GRIN2A: variants seen among roughly 807,000 people sequenced by gnomAD.
The protein encoded by GRIN2A is glutamate ionotropic receptor NMDA type subunit 2A.
GRIN2A carries 22 observed loss-of-function variants against 113.4 expected under a neutral mutation model. That is an observed-to-expected ratio of 0.19 (90% CI 0.14 to 0.28). The LOEUF (loss-of-function observed/expected upper bound fraction) is 0.28, where lower values mean the gene tolerates loss of function less well. Ranked by LOEUF, GRIN2A falls within the 10% of genes least tolerant of loss-of-function variation. GRIN2A has a pLI of 1.00. For synonymous variants in GRIN2A, 827 were observed against 738.4 expected (o/e 1.12, Z -1.94); for missense variants, 1,502 against 1,887.0 (o/e 0.80, Z 3.78).
At chr16:9,977,915 C>T (rs540388455) in intron 2 of GRIN2A, among the ~76,000 whole-genome samples, 6 of 152,206 alleles carry the variant, frequency 3.9e-5, no homozygotes. Flanking sequence ...ATTAGGTCAA[C>T]CCTGCAGCTT....
chr16:9,754,618 A>G lies in GRIN2A; in HGVS notation c.*8531T>C, dbSNP rs1220602315. ...GTGGTCATGGCCCCAGAGCTTTTCTACAAACTTAATAAACTAAAGATTTAA... is the reference window on the plus strand; with the variant it reads ...GTGGTCATGGCCCCAGAGCTTTTCTGCAAACTTAATAAACTAAAGATTTAA... On this transcript the variant is annotated 3_prime_UTR_variant, in exon 13 of 13. Coordinates refer to ENST00000330684, the MANE Select transcript of GRIN2A (RefSeq NM_001134407.3). 1 of 214,220 alleles carries G rather than the reference A, an allele frequency of 4.7e-6. No individual in the cohort carries two copies. The highest frequency in any genetic ancestry group is 9.4e-6 in the Non-Finnish European group (1 of 106,256). 13.3% of individuals were successfully genotyped at this position (214,220 alleles called of 1,614,324 possible).
At position 9,771,176 on chromosome 16, in the gene GRIN2A, C is replaced by A. The variant is rs555691800; in HGVS notation, c.2357-2087G>T. On this transcript the variant is annotated intron_variant, in intron 11 of 12. Coordinates refer to ENST00000330684, the MANE Select transcript of GRIN2A (RefSeq NM_001134407.3). ...GCTCATTATTTCAATTTGCAATTCC[C>A]TAATGGTATATAATAGTCCCATCTT... is the stretch of plus-strand genomic sequence containing the variant. Among the ~76,000 whole-genome samples the A allele has an allele frequency of 2.6e-5, 4 of 151,012 alleles. No individual in the cohort carries two copies. In the East Asian group the frequency reaches 5.8e-4, roughly 22 times the overall value.
intron 10 of GRIN2A, among the ~76,000 whole-genome samples, chr16:9,814,103 G>T (rs2042142049): frequency 6.6e-6 from 1 of 152,074 alleles, no homozygotes; most frequent in African/African-American, 2.4e-5. Context: ...AGTTTCTTTT[G>T]AGCATAGAAA....
At chr16:10,007,076 T>C (rs1323081015) in intron 2 of GRIN2A, among the ~76,000 whole-genome samples, 1 of 152,236 alleles carries the variant, frequency 6.6e-6, no homozygotes, top group East Asian at 1.9e-4. Context: ...CTATTATGAA[T>C]AGTGCTGTAA....
intron 2 of GRIN2A, among the ~76,000 whole-genome samples, chr16:10,125,831 G>A (rs908572408): frequency 6.6e-6 from 1 of 151,988 alleles, no homozygotes; most frequent in Non-Finnish European, 1.5e-5. Context: ...AGGCTGGGTG[G>A]GAGGATGCTT....
chr16:9,926,804 T>G (rs989668707), intron 3 of GRIN2A, among the ~76,000 whole-genome samples: 2 of 152,112 alleles, frequency 1.3e-5, no homozygotes, highest in East Asian at 3.9e-4. Context: ...GGTCAGGATA[T>G]GGGATTATTA....
chr16:10,059,228 A>C (rs1181079613), intron 2 of GRIN2A, among the ~76,000 whole-genome samples: 1 of 152,226 alleles, frequency 6.6e-6, no homozygotes, highest in Non-Finnish European at 1.5e-5. Flanking sequence ...CCTTAAGTGC[A>C]GTGGGTAGCC....
chr16:9,964,418 T>C (rs912910478), intron 2 of GRIN2A, among the ~76,000 whole-genome samples: 1 of 152,158 alleles, frequency 6.6e-6, no homozygotes, highest in Non-Finnish European at 1.5e-5. Context: ...CCATGGTGCG[T>C]TCATTTTCTA....
At chr16:10,143,261 TA>T (rs1321641160) in intron 2 of GRIN2A, among the ~76,000 whole-genome samples, 1 of 152,216 alleles carries the variant, frequency 6.6e-6, no homozygotes, top group Non-Finnish European at 1.5e-5. Flanking sequence ...CGCCTTCCGC[TA>T]AGGGCCTCCT....
rs573906011 is a variant in GRIN2A, at chr16:9,754,078, T to C, written c.*9071A>G. ...TCCTCTTTGAGAAGGCCATTATTTA[T>C]AATTTTTATGATCTAATTCTTATTC... is the stretch of plus-strand genomic sequence containing the variant. On this transcript the variant is annotated 3_prime_UTR_variant, in exon 13 of 13. Transcript: ENST00000330684. 2.7e-5 allele frequency: 5 copies of C among 184,218 alleles called. No individual in the cohort carries two copies. The highest frequency in any genetic ancestry group is 1.2e-4 in the African/African-American group (5 of 42,738). 11.4% of individuals were successfully genotyped at this position (184,218 alleles called of 1,614,324 possible). A position where few individuals can be genotyped will look rare whatever the true frequency, so the allele number is the denominator to read the frequency against.
intron 2 of GRIN2A, among the ~76,000 whole-genome samples, chr16:9,958,151 C>T (rs898056785): frequency 6.6e-6 from 1 of 152,004 alleles, no homozygotes; most frequent in Admixed American, 6.6e-5. Flanking sequence ...GCATAAGCGA[C>T]TGTGAGGATT....
intron 2 of GRIN2A, among the ~76,000 whole-genome samples, chr16:10,114,676 G>A (rs985138404): frequency 1.3e-5 from 2 of 152,174 alleles, no homozygotes; most frequent in Admixed American, 6.5e-5. Context: ...ACTGATTTCT[G>A]ACAGTATTTC....
chr16:10,102,457 T>C (rs559992037), intron 2 of GRIN2A, among the ~76,000 whole-genome samples: 15 of 152,326 alleles, frequency 9.8e-5, no homozygotes, highest in African/African-American at 3.6e-4. Flanking sequence ...GCTTCCTGTA[T>C]AGCCTGCAGA....
intron 2 of GRIN2A, among the ~76,000 whole-genome samples, chr16:10,038,847 C>CAAA (rs137915448): frequency 8.7e-4 from 111 of 126,888 alleles, no homozygotes; most frequent in African/African-American, 9.5e-4. Context: ...GACTCCTTCT[C>CAAA]AAAAAAAAAA....
At chr16:9,783,862 C>T (rs1418568957) in intron 11 of GRIN2A, among the ~76,000 whole-genome samples, 1 of 152,120 alleles carries the variant, frequency 6.6e-6, no homozygotes, top group African/African-American at 2.4e-5. Flanking sequence ...AGTAAACTAA[C>T]AAAGGAACAG....
At chr16:10,087,982 G>A (rs117034945) in intron 2 of GRIN2A, among the ~76,000 whole-genome samples, 2,935 of 150,606 alleles carry the variant, frequency 0.019, 37 homozygotes, top group Admixed American at 0.022. Flanking sequence ...GAGCCACCAC[G>A]CCTGGCCTTA....
intron 1 of GRIN2A, among the ~76,000 whole-genome samples, chr16:10,181,198 T>G (rs950594482): frequency 8.1e-4 from 8 of 9,868 alleles, no homozygotes; most frequent in African/African-American, 1.7e-3. Flanking sequence ...CACACACACG[T>G]GCACACACAC....
At chr16:9,785,054 A>G (rs1218196592) in intron 11 of GRIN2A, among the ~76,000 whole-genome samples, 2 of 152,226 alleles carry the variant, frequency 1.3e-5, no homozygotes, top group South Asian at 2.1e-4. Flanking sequence ...ATCTAGAACT[A>G]GAAATACCAT....
In GRIN2A at chr16:9,764,457, A is replaced by T. The variant is rs780542669; in HGVS notation, c.3087T>A (p.Asn1029Lys). ...TTGCCTCATCCCTCTGGGAGACTGGATTCTGGGATAGTGAATCCTGGCGTA... is the reference window on the plus strand; with the variant it reads ...TTGCCTCATCCCTCTGGGAGACTGGTTTCTGGGATAGTGAATCCTGGCGTA... ...DSIRQDSLSQ[N>K]PVSQRDEATA... Residue 1029 changes from asparagine to lysine, a missense_variant, in exon 13 of 13, where the codon AAT (asparagine) becomes AAA (lysine). Asn to Lys is a moderately conservative substitution (Grantham distance 94, BLOSUM62 0). Transcript: ENST00000330684. 4 of 1,614,032 alleles carry T rather than the reference A, an allele frequency of 2.5e-6. No individual in the cohort carries two copies. Among genetic ancestry groups the T allele is most frequent in the African/African-American group, 1.3e-5 (1 of 74,998 alleles).
Sources: allele counts gnomAD v4.1 joint callset (sites outside exome capture counted in the v4.1 genomes callset), GRCh38; gene constraint gnomAD v4.1.1; transcripts MANE v1.5; gene names NCBI Gene and HGNC (gene_info 2026-07-23, HGNC 2026-07-21).